Variants in TNRC6A observed in about 807,000 individuals in gnomAD.
TNRC6A encodes the protein trinucleotide repeat containing adaptor 6A, also known as trinucleotide repeat-containing gene 6A protein.
TNRC6A carries 44 observed loss-of-function variants against 221.2 expected under a neutral mutation model. That is an observed-to-expected ratio of 0.20 (90% CI 0.16 to 0.26). TNRC6A has a LOEUF of 0.26. TNRC6A is among the 10% of genes least tolerant of loss of function. TNRC6A has a pLI of 1.00. For missense variants in TNRC6A, 2,199 were observed against 2,404.4 expected (o/e 0.91, Z 1.79); for synonymous variants, 847 against 838.5 (o/e 1.01, Z -0.18).
intron 2 of TNRC6A, chr16:24,661,780 G>A (rs1302544392): frequency 6.6e-6 from 1 of 152,164 alleles, no homozygotes. Context: ...TACTCTTATT[G>A]AGGGTGCAAT....
intron 2 of TNRC6A, chr16:24,663,087 C>G (rs1025791970): frequency 3.3e-5 from 5 of 153,736 alleles, no homozygotes; most frequent in African/African-American, 1.2e-4. Context: ...GCAGGGGCCT[C>G]TTTCAGTTTA....
Position 24,789,511 on chromosome 16 carries a change from G to A in TNRC6A, c.869G>A (p.Gly290Asp). The change falls in exon 6 of 25, where the codon GGT becomes GAT. Residue 290 changes from glycine to aspartate, a missense_variant. Physicochemically the swap from Gly to Asp is moderately conservative, Grantham distance 94. Coordinates refer to ENST00000395799, the MANE Select transcript of TNRC6A (RefSeq NM_014494.4). ...KDGLRNSTGLGSQNKFVVGSS... is the reference protein window; with the variant it reads ...KDGLRNSTGLDSQNKFVVGSS... Reference sequence around the variant, plus strand: ...GGCCTTCGGAATAGCACTGGACTTGGTTCCCAAAACAAGTTTGTAGTTGGT... The same window carrying A: ...GGCCTTCGGAATAGCACTGGACTTGATTCCCAAAACAAGTTTGTAGTTGGT... 2.5e-6 allele frequency: 4 copies of A among 1,614,142 alleles called. No homozygotes were observed. Among genetic ancestry groups the A allele is most frequent in the Non-Finnish European group, 3.4e-6 (4 of 1,180,040 alleles).
At chr16:24,716,730 C>T (rs376641072) in intron 2 of TNRC6A, among the ~76,000 whole-genome samples, 3 of 151,776 alleles carry the variant, frequency 2.0e-5, no homozygotes, top group South Asian at 2.1e-4. Flanking sequence ...GAGGCTGAGG[C>T]GGGCAGATCA....
At chr16:24,710,086 G>A (rs542082947) in intron 2 of TNRC6A, among the ~76,000 whole-genome samples, 50 of 151,756 alleles carry the variant, frequency 3.3e-4, no homozygotes, top group African/African-American at 9.2e-4. Flanking sequence ...TTAGCCAGGC[G>A]CAGTGGCACA....
chr16:24,780,440 A>G (rs538707213), intron 5 of TNRC6A, among the ~76,000 whole-genome samples: 95 of 152,308 alleles, frequency 6.2e-4, no homozygotes, highest in African/African-American at 2.2e-3. Flanking sequence ...AAGAACAACA[A>G]CAATATCTTC....
rs111807600 is a variant in TNRC6A at position 24,646,909 on chromosome 16, G to A, written n.402+5900G>A. Among the ~76,000 whole-genome samples, 232 of 152,198 alleles carry A rather than the reference G, an allele frequency of 1.5e-3. 1 individual carries two copies. Among genetic ancestry groups the A allele is most frequent in the African/African-American group, 5.3e-3 (219 of 41,536 alleles). On this transcript the variant is annotated intron_variant and non_coding_transcript_variant, in intron 2 of 2. Coordinates refer to the TNRC6A transcript ENST00000566108. ...CTTAATTGCAGATTATTCACTTTCT[G>A]TAAAATCTTTATTTTTATTTATTTA...
chr16:24,822,771 A>G, intron 23 of TNRC6A, 103 bp from the exon 24 acceptor site: 6 of 1,484,084 alleles, frequency 4.0e-6, no homozygotes, highest in Non-Finnish European at 5.5e-6. Flanking sequence ...CCAGGAGCAC[A>G]GAGCCTCAGG....
chr16:24,640,535 C>A (rs1206470828), intron 1 of TNRC6A, among the ~76,000 whole-genome samples: 2 of 151,794 alleles, frequency 1.3e-5, no homozygotes, highest in African/African-American at 2.4e-5. Context: ...CGAGACCAGC[C>A]TGGGCAACAT....
chr16:24,655,840 T>C (rs1334082187), intron 2 of TNRC6A, among the ~76,000 whole-genome samples: 1 of 151,934 alleles, frequency 6.6e-6, no homozygotes, highest in African/African-American at 2.4e-5. Context: ...AGATAATAGA[T>C]ACATAGCAAG....
rs766045250 is a variant in TNRC6A, at chr16:24,809,426, G to A, written c.4617G>A (p.Thr1539=). ...KEPQSRLRKW[T]TVDSISVNTS... ...CACAGTCAAGACTAAGGAAGTGGAC[G>A]ACAGTGGACAGCATTTCTGTGAACA... The change falls in exon 18 of 25, where the codon ACG becomes ACA. Residue 1539 remains threonine (T), a synonymous_variant. Coordinates refer to ENST00000395799, the MANE Select transcript of TNRC6A (RefSeq NM_014494.4). 1.3e-5 allele frequency: 21 copies of A among 1,594,870 alleles called. No homozygotes were observed. The African/African-American group carries it at 1.6e-4, about 12-fold the overall frequency.
rs1372752334 is a variant in TNRC6A at position 24,823,009 on chromosome 16, C to G, written c.5509C>G (p.His1837Asp). 1.9e-6 allele frequency: 3 copies of G among 1,614,102 alleles called. No homozygotes were observed. The highest frequency in any genetic ancestry group is 2.5e-6 in the Non-Finnish European group (3 of 1,180,048). Residue 1837 changes from histidine to aspartate, a missense_variant, in exon 24 of 25, where the codon CAC (histidine) becomes GAC (aspartate). His to Asp is a moderately conservative substitution (Grantham distance 81). Transcript: ENST00000395799. This position sits in a 1 kb window ranked among gnomAD's most constrained non-coding sequence, Gnocchi z 4.3. ...EEVVKAQKSL[H>D]MCVLGNTTIL... ...GGTAGTGAAGGCACAAAAGTCTCTG[C>G]ACATGTAAGTTGGCTGTTGGGCTCC...
intron 2 of TNRC6A, among the ~76,000 whole-genome samples, chr16:24,719,296 G>A (rs575200038): frequency 2.2e-3 from 331 of 152,154 alleles, no homozygotes; most frequent in African/African-American, 7.5e-3. Context: ...CAGGGTGAGA[G>A]GATCATTTAG....
At position 24,797,930 on chromosome 16, in the gene TNRC6A, GA is replaced by G; in HGVS notation, c.3662del (p.Asn1221MetfsTer21). On this transcript the variant is annotated frameshift_variant, in exon 11 of 25. Coordinates refer to ENST00000395799, the MANE Select transcript of TNRC6A (RefSeq NM_014494.4). LOFTEE classifies it high-confidence loss of function. ...NISFSRDSPE[E>X]NVQSNKMDLS... ...CTTTCTTCAGAGAGACTCACCAGAG[GA>G]AAATGTACAAAGCAATAAGATGGAC... The G allele has an allele frequency of 6.2e-7, 1 of 1,610,554 alleles. No individual in the cohort carries two copies. The highest frequency in any genetic ancestry group is 1.7e-4 in the Middle Eastern group (1 of 6,016).
intron 4 of TNRC6A, among the ~76,000 whole-genome samples, chr16:24,776,029 T>C (rs1423797943): frequency 6.6e-6 from 1 of 152,150 alleles, no homozygotes; most frequent in Non-Finnish European, 1.5e-5. Flanking sequence ...GTAGGTACTA[T>C]CTCCATTTTA....
intron 3 of TNRC6A, 91 bp downstream of exon 3, chr16:24,750,904 T>C (rs2057123055): frequency 5.9e-6 from 7 of 1,188,178 alleles, no homozygotes; most frequent in Middle Eastern, 3.2e-4. Flanking sequence ...ATTTATTTGA[T>C]TTAATGTTTT....
At chr16:24,760,805 A>G (rs2057347548) in intron 4 of TNRC6A, among the ~76,000 whole-genome samples, 1 of 152,196 alleles carries the variant, frequency 6.6e-6, no homozygotes, top group African/African-American at 2.4e-5. Context: ...TATACGCTTC[A>G]TTCAGTTTCC....
At position 24,750,655 on chromosome 16, in the gene TNRC6A, G is replaced by C. The variant is rs893570311; in HGVS notation, c.54-71G>C. On this transcript the variant is annotated intron_variant, in intron 2 of 24. Transcript: ENST00000395799. ...CTAATAAGAGTGAAAAAGTGAAAAT[G>C]AATCTGTATGCAACATTATTTTTAT... 2.2e-6 allele frequency: 3 copies of C among 1,394,524 alleles called. No individual in the cohort carries two copies. The African/African-American group carries it at 4.4e-5, about 20-fold the overall frequency. 86.4% of individuals were successfully genotyped at this position (1,394,524 alleles called of 1,614,324 possible).
At chr16:24,754,492 AG>A (rs1322362258) in intron 3 of TNRC6A, among the ~76,000 whole-genome samples, 1 of 152,176 alleles carries the variant, frequency 6.6e-6, no homozygotes, top group Non-Finnish European at 1.5e-5. Context: ...TCTAAGAACC[AG>A]GGCTATTATT....
chr16:24,676,939 C>G (rs2055431274), intron 2 of TNRC6A, among the ~76,000 whole-genome samples: 1 of 152,132 alleles, frequency 6.6e-6, no homozygotes, highest in African/African-American at 2.4e-5. Context: ...CAAGGTTCCT[C>G]TAGCCTTCTT....
Sources: gnomAD v4.1 joint callset for allele counts (sites outside exome capture counted in the v4.1 genomes callset) on GRCh38, gnomAD v4.1.1 for gene constraint, Gnocchi (gnomAD v3.1) non-coding constraint, MANE v1.5 for transcripts, NCBI Gene and HGNC (gene_info 2026-07-23, HGNC 2026-07-21) for gene names.